Variants in SLC24A2 observed in about 807,000 individuals in gnomAD.
The protein encoded by SLC24A2 is solute carrier family 24 member 2, also known as sodium/potassium/calcium exchanger 2.
A neutral mutation model predicts 62.0 loss-of-function variants in SLC24A2; 36 were observed. The ratio of observed to expected loss-of-function variants is 0.58; its 90% CI spans 0.44 to 0.77. The LOEUF is 0.77. SLC24A2 is among the 30% of genes least tolerant of loss of function. SLC24A2 has a pLI of 0.00. For synonymous variants in SLC24A2, 358 were observed against 294.0 expected, an observed-to-expected ratio of 1.22 and a Z score of -2.23; for missense variants, 846 against 817.9, an observed-to-expected ratio of 1.03 and a Z score of -0.42.
At chr9:19,887,323 A>G in the SLC24A2 span, among the ~76,000 whole-genome samples, 2 of 152,172 alleles carry the variant, frequency 1.3e-5, no homozygotes, top group African/African-American at 2.4e-5. Context: ...TTGGATGCAT[A>G]ATTTGCAGAT....
the SLC24A2 span, among the ~76,000 whole-genome samples, chr9:20,193,600 A>G: frequency 1.3e-5 from 2 of 152,114 alleles, no homozygotes; most frequent in East Asian, 1.9e-4. Context: ...GTCTATCAAT[A>G]TAGATTCTAA....
chr9:19,688,863 GAATA>G (rs1268662535), intron 2 of SLC24A2, among the ~76,000 whole-genome samples: 3 of 152,108 alleles, frequency 2.0e-5, no homozygotes, highest in African/African-American at 7.2e-5. Flanking sequence ...TCTGTTACTT[GAATA>G]AATACAGTCT....
chr9:19,721,335 A>G (rs1219419625), intron 2 of SLC24A2, among the ~76,000 whole-genome samples: 1 of 152,282 alleles, frequency 6.6e-6, no homozygotes, highest in East Asian at 1.9e-4. Context: ...TTCATCATAA[A>G]TATTCTAAAA....
the SLC24A2 span, among the ~76,000 whole-genome samples, chr9:19,851,006 TACA>T: frequency 4.5e-5 from 3 of 66,008 alleles, no homozygotes; most frequent in Non-Finnish European, 6.1e-5. Context: ...TATATACACA[TACA>T]TATATATATA....
chr9:20,262,957 G>A, the SLC24A2 span, among the ~76,000 whole-genome samples: 5 of 152,208 alleles, frequency 3.3e-5, no homozygotes, highest in Non-Finnish European at 5.9e-5. Flanking sequence ...TTGGCAGAGC[G>A]GCACTTGGTA....
At chr9:20,112,627 C>A in the SLC24A2 span, among the ~76,000 whole-genome samples, 3 of 152,118 alleles carry the variant, frequency 2.0e-5, no homozygotes, top group East Asian at 5.8e-4. Context: ...CAATAATAAC[C>A]CCAGGGTGTC....
At chr9:20,187,138 C>A in the SLC24A2 span, among the ~76,000 whole-genome samples, 1 of 152,252 alleles carries the variant, frequency 6.6e-6, no homozygotes, top group East Asian at 1.9e-4. Context: ...ATCCATGCAC[C>A]CAGGCTTATT....
chr9:20,197,506 A>G, the SLC24A2 span, among the ~76,000 whole-genome samples: 17 of 137,206 alleles, frequency 1.2e-4, no homozygotes, highest in African/African-American at 4.8e-4. Context: ...ATCACAGCTC[A>G]CTGCAGCCTT....
chr9:20,188,384 A>G, the SLC24A2 span, among the ~76,000 whole-genome samples: 3 of 151,988 alleles, frequency 2.0e-5, no homozygotes, highest in East Asian at 1.9e-4. Context: ...CCCATTAGGA[A>G]CTCCAAGTAA....
At chr9:19,579,014 G>T (rs967092356) in intron 5 of SLC24A2, among the ~76,000 whole-genome samples, 1 of 152,184 alleles carries the variant, frequency 6.6e-6, no homozygotes, top group Non-Finnish European at 1.5e-5. Context: ...TGTGGCTTGG[G>T]CTTCCTAAGG....
chr9:19,534,858 C>T (rs1338329659), intron 8 of SLC24A2, among the ~76,000 whole-genome samples: 2 of 152,060 alleles, frequency 1.3e-5, no homozygotes, highest in Non-Finnish European at 2.9e-5. Flanking sequence ...ATTTATAATC[C>T]TTTGGGTATA....
At chr9:19,840,074 A>G in the SLC24A2 span, among the ~76,000 whole-genome samples, 1 of 152,186 alleles carries the variant, frequency 6.6e-6, no homozygotes, top group Non-Finnish European at 1.5e-5. Context: ...TATCATTTTC[A>G]GAATGGCAAA....
chr9:19,553,185 G>A (rs899659062), intron 7 of SLC24A2, among the ~76,000 whole-genome samples: 1 of 152,218 alleles, frequency 6.6e-6, no homozygotes, highest in African/African-American at 2.4e-5. Context: ...GAGGCAGTTT[G>A]CAAGCTGGTT....
At chr9:19,650,236 T>C (rs573390465) in intron 2 of SLC24A2, among the ~76,000 whole-genome samples, 19 of 152,300 alleles carry the variant, frequency 1.2e-4, no homozygotes, top group African/African-American at 4.3e-4. Context: ...AAAGATGTAA[T>C]ACTTCCAGAA....
intron 7 of SLC24A2, among the ~76,000 whole-genome samples, chr9:19,566,764 G>A (rs1362571473): frequency 1.3e-5 from 2 of 152,202 alleles, no homozygotes; most frequent in African/African-American, 4.8e-5. Flanking sequence ...TATACACCAT[G>A]GAATACTATG....
the SLC24A2 span, chr9:19,967,137 T>C: frequency 3.3e-5 from 5 of 152,226 alleles, no homozygotes; most frequent in African/African-American, 1.2e-4. Flanking sequence ...AGAATATTTC[T>C]TCTCCAGTCT....
chr9:19,682,298 T>A (rs1474488735), intron 2 of SLC24A2, among the ~76,000 whole-genome samples: 1 of 152,158 alleles, frequency 6.6e-6, no homozygotes, highest in South Asian at 2.1e-4. Flanking sequence ...TTGGTGCTGA[T>A]AGTAGACGGT....
chr9:19,578,358 CAAAAAA>C (rs3085616), intron 5 of SLC24A2, among the ~76,000 whole-genome samples: 23 of 135,626 alleles, frequency 1.7e-4, no homozygotes, highest in Non-Finnish European at 2.5e-4. Flanking sequence ...TGCAATAAGC[CAAAAAA>C]AAAAAAAAAA....
chr9:19,864,316 C>A, the SLC24A2 span, among the ~76,000 whole-genome samples: 1 of 151,840 alleles, frequency 6.6e-6, no homozygotes, highest in African/African-American at 2.4e-5. Flanking sequence ...ATACTTCAAA[C>A]TCATTCTACA....
Sources: gnomAD v4.1 joint callset for allele counts (sites outside exome capture counted in the v4.1 genomes callset) on GRCh38, gnomAD v4.1.1 for gene constraint, MANE v1.5 for transcripts, NCBI Gene and HGNC (gene_info 2026-07-23, HGNC 2026-07-21) for gene names.